The following GAK variants were observed in gnomAD, a reference collection of about 807,000 sequenced individuals.
The protein encoded by GAK is cyclin G associated kinase.
Under a neutral mutation model 143.9 loss-of-function variants are expected in GAK, and 79 were observed. The ratio of observed to expected loss-of-function variants is 0.55; its 90% CI spans 0.46 to 0.66. The LOEUF (loss-of-function observed/expected upper bound fraction) is 0.66. Ranked by LOEUF, GAK falls within the 30% of genes least tolerant of loss-of-function variation. GAK has a pLI of 0.00. For synonymous variants in GAK, 881 were observed against 765.5 expected, an observed-to-expected ratio of 1.15 and a Z score of -2.49; for missense variants, 1,693 against 1,779.7, an observed-to-expected ratio of 0.95 and a Z score of 0.88.
intron 1 of GAK, among the ~76,000 whole-genome samples, chr4:916,981 C>T (rs1044881521): frequency 2.6e-5 from 4 of 152,258 alleles, no homozygotes; most frequent in Non-Finnish European, 5.9e-5. Flanking sequence ...ACCTCTAACA[C>T]TACCTAGCAA....
At chr4:866,310 C>A (rs910949650) in intron 22 of GAK, 54 bp downstream of exon 22, 5 of 1,549,762 alleles carry the variant, frequency 3.2e-6, no homozygotes, top group East Asian at 2.2e-5. Flanking sequence ...CCAGAGGCTG[C>A]GGTCCTGAGG....
intron 4 of GAK, 66 bp downstream of exon 4, chr4:911,606 GT>G: frequency 9.3e-7 from 1 of 1,077,480 alleles, no homozygotes; most frequent in Non-Finnish European, 1.4e-6. Flanking sequence ...ATGCAGCTGG[GT>G]TAGGAGGCAT....
intron 23 of GAK, among the ~76,000 whole-genome samples, chr4:860,671 G>A (rs1268346148): frequency 3.9e-5 from 6 of 151,948 alleles, no homozygotes; most frequent in African/African-American, 1.5e-4. Flanking sequence ...GAGGGGACGG[G>A]CACCCAGGCC....
intron 1 of GAK, among the ~76,000 whole-genome samples, chr4:916,061 CA>C (rs1723051192): frequency 6.6e-6 from 1 of 152,012 alleles, no homozygotes; most frequent in Non-Finnish European, 1.5e-5. Flanking sequence ...TCCACATGCC[CA>C]AGGTTAGGCA....
chr4:852,072 G>T, intron 24 of GAK, 98 bp from the exon 25 acceptor site: 1 of 1,065,266 alleles, frequency 9.4e-7, no homozygotes, highest in South Asian at 1.3e-5. Context: ...GAAAACATGC[G>T]CTTGCAAAAT....
chr4:860,820 C>G (rs1414850399), intron 23 of GAK, among the ~76,000 whole-genome samples: 2 of 152,216 alleles, frequency 1.3e-5, no homozygotes, highest in Non-Finnish European at 2.9e-5. Context: ...CACCCAGGCC[C>G]TGGCACATCG....
At chr4:858,225 G>A (rs2279175) in intron 24 of GAK, among the ~76,000 whole-genome samples, 25,157 of 152,224 alleles carry the variant, frequency 0.17, 2,242 homozygotes, top group Middle Eastern at 0.31. Context: ...CAGCTGCTCC[G>A]TCATGTGTCG....
intron 9 of GAK, among the ~76,000 whole-genome samples, chr4:892,164 C>T (rs1357304752): frequency 5.9e-5 from 9 of 152,196 alleles, no homozygotes; most frequent in Non-Finnish European, 1.5e-5. Context: ...GCAGCTCTGA[C>T]CTTCTCCCCA....
At chr4:849,846 C>G in intron 27 of GAK, 46 bp downstream of exon 27, 4 of 1,351,554 alleles carry the variant, frequency 3.0e-6, no homozygotes, top group Non-Finnish European at 3.1e-6. Context: ...CCCCCCCCCG[C>G]CCCGCCCCTG....
Position 877,605 on chromosome 4 carries a change from C to T in GAK, c.1856+10G>A. 2 of 1,570,734 alleles carry T rather than the reference C, an allele frequency of 1.3e-6. No homozygotes were observed. Among genetic ancestry groups the T allele is most frequent in the Non-Finnish European group, 1.7e-6 (2 of 1,155,152 alleles). On this transcript the variant is annotated intron_variant, in intron 16 of 27. Coordinates refer to ENST00000314167, the MANE Select transcript of GAK (RefSeq NM_005255.4). ...GAGGGAGCACAGCGTGGGGCTGCAGCTGCACTCACCGCATCTTGTCGTACT... is the reference window on the plus strand; with the variant it reads ...GAGGGAGCACAGCGTGGGGCTGCAGTTGCACTCACCGCATCTTGTCGTACT...
intron 1 of GAK, among the ~76,000 whole-genome samples, chr4:918,175 G>C (rs1723358586): frequency 6.6e-6 from 1 of 152,174 alleles, no homozygotes; most frequent in South Asian, 2.1e-4. Flanking sequence ...TGCAAGGTTG[G>C]TGTAACATTA....
chr4:922,448 G>C (rs1054411473), intron 1 of GAK, among the ~76,000 whole-genome samples: 1 of 149,476 alleles, frequency 6.7e-6, no homozygotes, highest in Non-Finnish European at 1.5e-5. Flanking sequence ...CCAGGAGGCA[G>C]AGGTTGCAGT....
At chr4:892,905 C>T (rs907567728) in intron 9 of GAK, among the ~76,000 whole-genome samples, 3 of 152,182 alleles carry the variant, frequency 2.0e-5, no homozygotes, top group African/African-American at 7.2e-5. Flanking sequence ...TCCCAGCATG[C>T]CCCCGGGGTC....
chr4:902,615 C>CAAAAAAAAAA (rs1445933127), intron 5 of GAK, among the ~76,000 whole-genome samples: 4,688 of 37,742 alleles, frequency 0.12, 147 homozygotes, highest in Middle Eastern at 0.21. Context: ...AAAAAAAAAA[C>CAAAAAAAAAA]CCCAAAAAAC....
At chr4:914,717 CCCCG>C (rs2152949047) in intron 1 of GAK, among the ~76,000 whole-genome samples, 1 of 122,156 alleles carries the variant, frequency 8.2e-6, no homozygotes, top group African/African-American at 3.2e-5. Flanking sequence ...ATACACGGCC[CCCCG>C]CACTCAGCCC....
intron 18 of GAK, among the ~76,000 whole-genome samples, chr4:871,233 A>G (rs888140207): frequency 6.6e-6 from 1 of 152,066 alleles, no homozygotes; most frequent in Non-Finnish European, 1.5e-5. Context: ...GTTTCCTGCA[A>G]CTCCAGGGGA....
At chr4:892,911 G>C (rs761979758) in intron 9 of GAK, among the ~76,000 whole-genome samples, 4 of 152,322 alleles carry the variant, frequency 2.6e-5, no homozygotes, top group Non-Finnish European at 4.4e-5. Context: ...CATGCCCCCG[G>C]GGTCTCGGCC....
At chr4:866,828 G>A (rs1304537848) in intron 21 of GAK, 128 bp downstream of exon 21, 3 of 748,936 alleles carry the variant, frequency 4.0e-6, no homozygotes, top group Non-Finnish European at 6.5e-6. Context: ...GCTGCTCCTG[G>A]GGGAGGTGGG....
At chr4:883,490 C>G (rs762788025) in intron 12 of GAK, 27 bp from the exon 13 acceptor site, 1 of 1,611,088 alleles carries the variant, frequency 6.2e-7, no homozygotes, top group African/African-American at 1.3e-5. Flanking sequence ...TGCGTCAGCA[C>G]CTGGGAGATG....
Sources: allele counts gnomAD v4.1 joint callset (sites outside exome capture counted in the v4.1 genomes callset), GRCh38; gene constraint gnomAD v4.1.1; transcripts MANE v1.5; gene names NCBI Gene and HGNC (gene_info 2026-07-23, HGNC 2026-07-21).